CCDC158: variants seen among roughly 807,000 people sequenced by gnomAD.
CCDC158 encodes the protein coiled-coil domain containing 158.
Under a neutral mutation model 138.6 loss-of-function variants are expected in CCDC158, and 116 were observed. The ratio of observed to expected loss-of-function variants is 0.84; its 90% CI spans 0.72 to 0.98. CCDC158 has a LOEUF of 0.98. CCDC158 is among the 50% of genes least tolerant of loss of function. CCDC158 has a pLI of 0.00. For missense variants in CCDC158, 1,265 were observed against 1,306.1 expected (o/e 0.97, Z 0.48); for synonymous variants, 436 against 442.4 (o/e 0.99, Z 0.18).
intron 14 of CCDC158, among the ~76,000 whole-genome samples, chr4:76,356,006 C>G (rs1278028163): frequency 2.0e-5 from 3 of 152,056 alleles, no homozygotes; most frequent in African/African-American, 7.2e-5. Flanking sequence ...GTGCTTGGAA[C>G]TCACTACCAT....
rs141974598 is a variant in CCDC158, at chr4:76,420,492, A to T, written c.-117+473T>A. Among the ~76,000 whole-genome samples the T allele has an allele frequency of 3.3e-3, 506 of 152,300 alleles. 14 individuals carry two copies. The highest frequency in any genetic ancestry group is 0.027 in the Admixed American group (413 of 15,298). ...ATTGTGTTGCTGATTGATGCTGATA[A>T]TGAGGGAAAGCTCTGACCCCCACAT... On this transcript the variant is annotated intron_variant, in intron 1 of 24. Transcript: ENST00000682701.
chr4:76,325,726 A>G, intron 23 of CCDC158, 131 bp downstream of exon 23: 2 of 654,676 alleles, frequency 3.1e-6, no homozygotes, highest in Non-Finnish European at 4.9e-6. Flanking sequence ...GACCTGTTTA[A>G]ATTACACAGA....
chr4:76,407,183 C>A (rs1296463483), intron 2 of CCDC158: 1 of 152,110 alleles, frequency 6.6e-6, no homozygotes, highest in East Asian at 1.9e-4. Flanking sequence ...CTGAGCTTAA[C>A]AGTTTTTATT....
chr4:76,340,261 C>T (rs1721926488), intron 18 of CCDC158, among the ~76,000 whole-genome samples: 1 of 152,220 alleles, frequency 6.6e-6, no homozygotes, highest in Non-Finnish European at 1.5e-5. Flanking sequence ...GTGCCAGGGC[C>T]TCCTTTCTCC....
intron 18 of CCDC158, among the ~76,000 whole-genome samples, chr4:76,338,558 G>C (rs1721760169): frequency 6.6e-6 from 1 of 152,092 alleles, no homozygotes; most frequent in Non-Finnish European, 1.5e-5. Context: ...AGGGTTGACT[G>C]CACAAAGACC....
At position 76,374,677 on chromosome 4, in the gene CCDC158, AT is replaced by A. The variant is rs543317814; in HGVS notation, c.1030-3142del. 2.1e-3 allele frequency among the ~76,000 whole-genome samples: 314 copies of A among 152,358 alleles called. 1 individual carries two copies. Among genetic ancestry groups the A allele is most frequent in the African/African-American group, 6.9e-3 (288 of 41,594 alleles). ...AGAACATTTCCAATTTGAATTAATC[AT>A]ATGATTAAAATAAATGTTTTCTACT... On this transcript the variant is annotated intron_variant, in intron 9 of 24. Transcript: ENST00000682701.
At position 76,313,167 on chromosome 4, in the gene CCDC158, G is replaced by T. The variant is rs758048901; in HGVS notation, c.*3C>A. The T allele has an allele frequency of 1.9e-6, 3 of 1,589,436 alleles. No homozygotes were observed. The East Asian group carries it at 6.8e-5, about 36-fold the overall frequency. ...CCTCTGTAAAGAATAGGCAAGCAACGAGTCATTTTAGTAACATTTTTTCCT... is the reference window on the plus strand; with the variant it reads ...CCTCTGTAAAGAATAGGCAAGCAACTAGTCATTTTAGTAACATTTTTTCCT... On this transcript the variant is annotated 3_prime_UTR_variant, in exon 25 of 25. Transcript: ENST00000682701.
At chr4:76,354,638 C>T (rs1162952266) in intron 15 of CCDC158, among the ~76,000 whole-genome samples, 1 of 152,152 alleles carries the variant, frequency 6.6e-6, no homozygotes, top group Non-Finnish European at 1.5e-5. Context: ...GCAGAAAACT[C>T]AATCCAGCTA....
chr4:76,341,932 T>C (rs149844561), intron 18 of CCDC158, among the ~76,000 whole-genome samples: 2 of 152,354 alleles, frequency 1.3e-5, no homozygotes, highest in East Asian at 3.9e-4. Context: ...AGGGTATCTA[T>C]TTACGTCATC....
chr4:76,390,536 T>C (rs566867944), intron 4 of CCDC158, among the ~76,000 whole-genome samples: 1 of 150,812 alleles, frequency 6.6e-6, no homozygotes, highest in Non-Finnish European at 1.5e-5. Context: ...TCACCTTCAC[T>C]AGGAGGAATA....
Position 76,313,171 on chromosome 4 carries a change from C to A in CCDC158, c.3353G>T (p.Ter1118LeuextTer11). The A allele has an allele frequency of 6.3e-7, 1 of 1,596,062 alleles. No homozygotes were observed. Among genetic ancestry groups the A allele is most frequent in the South Asian group, 1.1e-5 (1 of 88,980 alleles). The change falls in exon 25 of 25, where the codon TGA becomes TTA. Residue 1118 changes from the stop codon to leucine (L), a stop_lost. Transcript: ENST00000682701. Reference protein sequence around the residue: ...VKDQEKMLLK* With the variant: ...VKDQEKMLLKL ...TGTAAAGAATAGGCAAGCAACGAGT[C>A]ATTTTAGTAACATTTTTTCCTGGTC...
At chr4:76,406,388 G>A (rs28729529) in intron 2 of CCDC158, among the ~76,000 whole-genome samples, 4,468 of 152,196 alleles carry the variant, frequency 0.029, 219 homozygotes, top group African/African-American at 0.1. Context: ...AGGCTTTAAC[G>A]GACAATTAGT....
At chr4:76,340,344 C>G (rs547345239) in intron 18 of CCDC158, among the ~76,000 whole-genome samples, 45 of 152,302 alleles carry the variant, frequency 3.0e-4, no homozygotes, top group African/African-American at 8.2e-4. Flanking sequence ...AAAAGGCCCC[C>G]AAACTGGGAA....
At chr4:76,412,826 A>G (rs1455572377) in intron 1 of CCDC158, among the ~76,000 whole-genome samples, 1 of 152,188 alleles carries the variant, frequency 6.6e-6, no homozygotes, top group Non-Finnish European at 1.5e-5. Flanking sequence ...ATTATATGCT[A>G]TTGGCCCAAT....
intron 13 of CCDC158, among the ~76,000 whole-genome samples, chr4:76,357,945 C>G (rs1004363830): frequency 1.3e-5 from 2 of 152,060 alleles, no homozygotes; most frequent in Non-Finnish European, 2.9e-5. Context: ...TGTGAAAATA[C>G]TTGGCACAAA....
In CCDC158 at chr4:76,367,311, C is replaced by T. The variant is rs140464584; in HGVS notation, c.1813G>A (p.Glu605Lys). The change falls in exon 12 of 25, where the codon GAA (glutamate) becomes AAA (lysine). Residue 605 changes from glutamate to lysine, a missense_variant. Physicochemically the swap from Glu to Lys is moderately conservative, Grantham distance 56. Coordinates refer to ENST00000682701, the MANE Select transcript of CCDC158 (RefSeq NM_001394954.1). ...CTACAGACCTTAAGTTCCTTTAGTT[C>T]CATCCGCCTATCATTAATTTCTTTC... ...LEKEINDRRM[E>K]LKELKILKDK... 4 of 1,612,454 alleles carry T rather than the reference C, an allele frequency of 2.5e-6. No individual in the cohort carries two copies. In the African/African-American group the frequency reaches 5.3e-5, roughly 22 times the overall value.
At chr4:76,330,015 C>T (rs1720880085) in intron 21 of CCDC158, among the ~76,000 whole-genome samples, 1 of 152,112 alleles carries the variant, frequency 6.6e-6, no homozygotes, top group African/African-American at 2.4e-5. Flanking sequence ...AGTTATTTTT[C>T]ATAATTTCAG....
chr4:76,360,025 C>T (rs1167382509), intron 13 of CCDC158, among the ~76,000 whole-genome samples: 1 of 152,254 alleles, frequency 6.6e-6, no homozygotes, highest in Non-Finnish European at 1.5e-5. Flanking sequence ...CAGAGCCCTG[C>T]TGCACTGTGC....
At chr4:76,382,215 G>T (rs1726327420) in intron 8 of CCDC158, among the ~76,000 whole-genome samples, 1 of 152,040 alleles carries the variant, frequency 6.6e-6, no homozygotes, top group Non-Finnish European at 1.5e-5. Flanking sequence ...TGATGTGCTT[G>T]CTTCCCCTTT....
Sources: allele counts gnomAD v4.1 joint callset (sites outside exome capture counted in the v4.1 genomes callset), GRCh38; gene constraint gnomAD v4.1.1; transcripts MANE v1.5; gene names NCBI Gene and HGNC (gene_info 2026-07-23, HGNC 2026-07-21).